The following CACNA1S variants were observed in gnomAD, a reference collection of about 807,000 sequenced individuals.
CACNA1S encodes the protein voltage-dependent L-type calcium channel subunit alpha-1S.
Under a neutral mutation model 207.4 loss-of-function variants are expected in CACNA1S, and 126 were observed. The ratio of observed to expected loss-of-function variants is 0.61; its 90% CI spans 0.53 to 0.70. The LOEUF (loss-of-function observed/expected upper bound fraction) is 0.70, where lower values mean the gene tolerates loss of function less well. Among genes scored for constraint, CACNA1S ranks in the 30% least tolerant of loss-of-function variants. The pLI is 0.00. For synonymous variants in CACNA1S, 960 were observed against 932.7 expected, an observed-to-expected ratio of 1.03 and a Z score of -0.53; for missense variants, 2,349 against 2,422.8, an observed-to-expected ratio of 0.97 and a Z score of 0.64.
In CACNA1S at chr1:201,050,482, T is replaced by C. The variant is rs748210869; in HGVS notation, c.4148A>G (p.Asn1383Ser). The C allele has an allele frequency of 1.5e-5, 25 of 1,613,948 alleles. No individual in the cohort carries two copies. Among genetic ancestry groups the C allele is most frequent in the South Asian group, 2.2e-5 (2 of 91,054 alleles). ...CCAGTCCCGGGTGAGGTAGTCAAAA[T>C]TGTCCATGATGACAGCCACAAAGAG... ...INLFVAVIMD[N>S]FDYLTRDWSI... is the part of the protein sequence containing the mutation. Residue 1383 changes from asparagine to serine, a missense_variant, in exon 34 of 44, where the codon AAT becomes AGT. Coordinates refer to ENST00000362061, the MANE Select transcript of CACNA1S (RefSeq NM_000069.3).
chr1:201,062,540 G>GA, intron 22 of CACNA1S, 26 bp from the exon 23 acceptor site: 1 of 1,294,516 alleles, frequency 7.7e-7, no homozygotes, highest in Non-Finnish European at 1.1e-6. Flanking sequence ...GGGAGGGAGG[G>GA]AGGGAGGCAT....
intron 23 of CACNA1S, 36 bp from the exon 24 acceptor site, chr1:201,062,126 G>T: frequency 1.2e-6 from 2 of 1,607,564 alleles, no homozygotes; most frequent in Non-Finnish European, 1.7e-6. Context: ...CACAGGGCAT[G>T]GCTGGGCTGC....
In CACNA1S at chr1:201,053,866, G is replaced by A. The variant is rs1420519055; in HGVS notation, c.3667-279C>T. Among the ~76,000 whole-genome samples the A allele has an allele frequency of 6.6e-6, 1 of 152,122 alleles. No homozygotes were observed. The highest frequency in any genetic ancestry group is 1.5e-5 in the Non-Finnish European group (1 of 67,996). On this transcript the variant is annotated intron_variant, in intron 29 of 43. Coordinates refer to ENST00000362061, the MANE Select transcript of CACNA1S (RefSeq NM_000069.3). The surrounding 1 kb of genome is among the most constrained non-coding windows in gnomAD (Gnocchi z 5.1). ...CAGTGGCAGGGATTTGCCCTGGGGT[G>A]TGGCTGCACCCAGGCCCACTGCCTG...
chr1:201,098,283 C>T (rs908005498), intron 2 of CACNA1S, among the ~76,000 whole-genome samples: 8 of 152,256 alleles, frequency 5.3e-5, no homozygotes, highest in Middle Eastern at 3.4e-3. Context: ...TGCACACCGT[C>T]GATATCACTC....
intron 28 of CACNA1S, among the ~76,000 whole-genome samples, chr1:201,054,922 G>T (rs1183238440): frequency 6.6e-6 from 1 of 152,184 alleles, no homozygotes; most frequent in East Asian, 1.9e-4. Context: ...TAATGAAGGC[G>T]CATTGGAAGA....
chr1:201,077,988 C>A lies in CACNA1S; in HGVS notation c.1510G>T (p.Val504Leu), dbSNP rs775158117. The part of the protein sequence containing the change: ...SIFNRFDCFV[V>L]CSGILEILLV... ...AGGATCTCCAGGATACCGCTACACACCACGAAGCAGTCGAAGCGGTTGAAG... is the reference window on the plus strand; with the variant it reads ...AGGATCTCCAGGATACCGCTACACAACACGAAGCAGTCGAAGCGGTTGAAG... Residue 504 changes from valine to leucine, a missense_variant, in exon 11 of 44, where the codon GTG (valine) becomes TTG (leucine). Coordinates refer to ENST00000362061, the MANE Select transcript of CACNA1S (RefSeq NM_000069.3). 1.9e-6 allele frequency: 3 copies of A among 1,614,150 alleles called. No homozygotes were observed. In the South Asian group the frequency reaches 3.3e-5, roughly 18 times the overall value.
intron 19 of CACNA1S, among the ~76,000 whole-genome samples, chr1:201,068,408 A>G (rs546100550): frequency 6.7e-6 from 1 of 150,194 alleles, no homozygotes; most frequent in Admixed American, 6.6e-5. Flanking sequence ...ATGCCTGCCT[A>G]ATTTTTGTAC....
intron 12 of CACNA1S, among the ~76,000 whole-genome samples, chr1:201,076,361 A>G (rs1401625394): frequency 6.6e-6 from 1 of 152,252 alleles, no homozygotes; most frequent in East Asian, 1.9e-4. Context: ...GGTGTCACTC[A>G]TGAAATATGG....
chr1:201,052,353 A>G (rs1214131171), intron 32 of CACNA1S, among the ~76,000 whole-genome samples: 1 of 152,164 alleles, frequency 6.6e-6, no homozygotes, highest in Non-Finnish European at 1.5e-5. Context: ...AAGCTGTGGG[A>G]CCACTTGTTC....
intron 33 of CACNA1S, among the ~76,000 whole-genome samples, 178 bp from the exon 34 acceptor site, chr1:201,050,694 T>C (rs1475222892): frequency 3.3e-5 from 5 of 152,234 alleles, no homozygotes; most frequent in African/African-American, 1.2e-4. Context: ...CTCTGTGCTC[T>C]TGCACAGACA....
At chr1:201,110,889 T>C (rs370458484) in intron 1 of CACNA1S, among the ~76,000 whole-genome samples, 2 of 152,310 alleles carry the variant, frequency 1.3e-5, no homozygotes, top group East Asian at 3.9e-4. Flanking sequence ...TTTCTCGACT[T>C]TCTGGCCCAT....
rs1660497100 is a variant in CACNA1S at position 201,047,132 on chromosome 1, CCTT to C, written c.4648_4650del (p.Lys1550del). The C allele has an allele frequency of 6.2e-7, 1 of 1,614,060 alleles. No homozygotes were observed. Among genetic ancestry groups the C allele is most frequent in the Admixed American group, 1.7e-5 (1 of 60,002 alleles). ...GGGCTTACCTGGATCTGTACAATGT[CCTT>C]CTTGGGCCGATAGCCATAATACTCC... is the stretch of plus-strand genomic sequence containing the variant. On this transcript the variant is annotated inframe_deletion, in exon 38 of 44. Transcript: ENST00000362061.
intron 2 of CACNA1S, among the ~76,000 whole-genome samples, chr1:201,108,105 AT>A (rs61596637): frequency 0.33 from 45,695 of 138,686 alleles, 7,378 homozygotes; most frequent in East Asian, 0.65. Context: ...TTAAGATGTA[AT>A]TTTTTTTTTT....
intron 2 of CACNA1S, among the ~76,000 whole-genome samples, chr1:201,104,393 T>C (rs1056382312): frequency 1.3e-5 from 2 of 152,230 alleles, no homozygotes; most frequent in African/African-American, 4.8e-5. Context: ...TAGGAGGGAA[T>C]GTAACTTTGT....
In CACNA1S at chr1:201,066,279, G is replaced by A. The variant is rs1336743984; in HGVS notation, c.2695C>T (p.Leu899=). 1 of 1,613,182 alleles carries A rather than the reference G, an allele frequency of 6.2e-7. No individual in the cohort carries two copies. Among genetic ancestry groups the A allele is most frequent in the South Asian group, 1.1e-5 (1 of 91,058 alleles). Residue 899 remains leucine (L), a synonymous_variant, in exon 21 of 44, where the codon CTG becomes TTG. Transcript: ENST00000362061. This position sits in a 1 kb window ranked among gnomAD's most constrained non-coding sequence, Gnocchi z 4.3. ...GCTCTGAGTGGTCGGAGCACCCTCA[G>A]CACCCTCAGGATCTTCACCACGGAG... ...AISVVKILRV[L]RVLRPLRAIN... is the part of the protein sequence containing the mutation.
At chr1:201,089,907 C>T (rs1662166590) in intron 5 of CACNA1S, among the ~76,000 whole-genome samples, 1 of 152,230 alleles carries the variant, frequency 6.6e-6, no homozygotes, top group African/African-American at 2.4e-5. Flanking sequence ...CTGAGCTTTA[C>T]AAGATACCCA....
At chr1:201,044,305 G>A (rs1660396687) in intron 39 of CACNA1S, 23 bp downstream of exon 39, 1 of 1,612,366 alleles carries the variant, frequency 6.2e-7, no homozygotes. Flanking sequence ...AGACCACTAG[G>A]GGTGCTCCTG....
chr1:201,048,797 G>T, intron 35 of CACNA1S, 113 bp from the exon 36 acceptor site: 1 of 947,788 alleles, frequency 1.1e-6, no homozygotes, highest in Non-Finnish European at 1.7e-6. Context: ...GGCTGGGGGT[G>T]TCAGCTGACC....
At chr1:201,092,324 C>T (rs1662265734) in intron 3 of CACNA1S, among the ~76,000 whole-genome samples, 2 of 152,168 alleles carry the variant, frequency 1.3e-5, no homozygotes, top group Admixed American at 6.5e-5. Context: ...AGTTCATACT[C>T]AGTGAAAAGA....
Sources: gnomAD v4.1 joint callset for allele counts (sites outside exome capture counted in the v4.1 genomes callset) on GRCh38, gnomAD v4.1.1 for gene constraint, Gnocchi (gnomAD v3.1) non-coding constraint, MANE v1.5 for transcripts, NCBI Gene and HGNC (gene_info 2026-07-23, HGNC 2026-07-21) for gene names.